DENND1A: variants seen among roughly 807,000 people sequenced by gnomAD.
DENND1A encodes DENN domain-containing protein 1A.
A neutral mutation model predicts 113.7 loss-of-function variants in DENND1A; 51 were observed. That is an observed-to-expected ratio of 0.45 (90% CI 0.36 to 0.57). DENND1A has a LOEUF of 0.57. DENND1A is among the 20% of genes least tolerant of loss of function. The pLI is 0.00. For missense variants in DENND1A, 1,258 were observed against 1,395.9 expected (o/e 0.90, Z 1.57); for synonymous variants, 565 against 570.8 (o/e 0.99, Z 0.14).
chr9:123,588,344 C>A (rs970647490), intron 11 of DENND1A, among the ~76,000 whole-genome samples: 1 of 148,522 alleles, frequency 6.7e-6, no homozygotes, highest in Non-Finnish European at 1.5e-5. Flanking sequence ...AAAGGCTGGG[C>A]ACGATGGCTC....
intron 13 of DENND1A, among the ~76,000 whole-genome samples, chr9:123,511,766 C>A (rs190643817): frequency 6.6e-6 from 1 of 152,352 alleles, no homozygotes; most frequent in Admixed American, 6.5e-5. Flanking sequence ...GCCAAGCCAA[C>A]AACAGCTACT....
intron 1 of DENND1A, among the ~76,000 whole-genome samples, chr9:123,917,263 A>T (rs1339383175): frequency 6.6e-6 from 1 of 152,136 alleles, no homozygotes; most frequent in Non-Finnish European, 1.5e-5. Flanking sequence ...AACCAATTCT[A>T]CTGACTTTAA....
At chr9:123,383,961 G>C in intron 22 of DENND1A, 48 bp from the exon 23 acceptor site, 1 of 1,576,272 alleles carries the variant, frequency 6.3e-7, no homozygotes, top group Non-Finnish European at 8.6e-7. Flanking sequence ...GCCTTCAGGG[G>C]AGGAGCAAGC....
chr9:123,676,752 T>C lies in DENND1A; in HGVS notation c.340A>G (p.Asn114Asp). Residue 114 changes from asparagine to aspartate, a missense_variant, in exon 6 of 24, where the codon AAC (asparagine) becomes GAC (aspartate). Asn to Asp is a conservative substitution (Grantham distance 23, BLOSUM62 1). Coordinates refer to ENST00000394215, the MANE Select transcript of DENND1A (RefSeq NM_001352964.2). ...TTTGTCGTGTAATCTGCCAGGATGT[T>C]AAGCAGCTTATAAAATACCTCGAAC... ...PWFEVFYKLL[N>D]ILADYTTKRQ... 1 of 1,614,108 alleles carries C rather than the reference T, an allele frequency of 6.2e-7. No individual in the cohort carries two copies. Among genetic ancestry groups the C allele is most frequent in the Non-Finnish European group, 8.5e-7 (1 of 1,179,994 alleles).
At position 123,764,036 on chromosome 9, in the gene DENND1A, A is replaced by T. The variant is rs980497556; in HGVS notation, c.182+5478T>A. 6.6e-6 allele frequency among the ~76,000 whole-genome samples: 1 copy of T among 152,202 alleles called. No individual in the cohort carries two copies. Among genetic ancestry groups the T allele is most frequent in the Non-Finnish European group, 1.5e-5 (1 of 68,038 alleles). ...CAGCAGAGGCAGAGATTTATGATGC[A>T]GGACAGAAGAGAAAACATTAAGGCC... On this transcript the variant is annotated intron_variant, in intron 4 of 23. Transcript: ENST00000394215. The surrounding 1 kb of genome is among the most constrained non-coding windows in gnomAD (Gnocchi z 4.1).
Position 123,606,970 on chromosome 9 carries a change from GT to G in DENND1A, c.765+2465del, listed in dbSNP as rs2060182092. ...TGCAGAGGGTTGGGAATGTGGATATGTTTAGGGATCAGCAGGAGCACAAGCT... is the reference window on the plus strand; with the variant it reads ...TGCAGAGGGTTGGGAATGTGGATATGTTAGGGATCAGCAGGAGCACAAGCT... On this transcript the variant is annotated intron_variant, in intron 11 of 23. Coordinates refer to ENST00000394215, the MANE Select transcript of DENND1A (RefSeq NM_001352964.2). Among the ~76,000 whole-genome samples the G allele has an allele frequency of 3.3e-5, 5 of 152,236 alleles. No homozygotes were observed. In the South Asian group the frequency reaches 1.0e-3, roughly 32 times the overall value.
intron 13 of DENND1A, among the ~76,000 whole-genome samples, chr9:123,552,021 G>GAGCGAGAGAGAGAGAC (rs2057094828): frequency 1.1e-5 from 1 of 93,490 alleles, no homozygotes; most frequent in Non-Finnish European, 2.1e-5. Context: ...GCGAGAGCGA[G>GAGCGAGAGAGAGAGAC]AGAGAGAGAG....
rs756691448 is a variant in DENND1A, at chr9:123,585,623, G to T, written c.766-2353C>A. 1.1e-3 allele frequency among the ~76,000 whole-genome samples: 168 copies of T among 152,166 alleles called. 1 individual carries two copies. Among genetic ancestry groups the T allele is most frequent in the Non-Finnish European group, 1.6e-3 (111 of 68,034 alleles). ...ATGCCCAGCAGTGTGCTAGCAGGAA[G>T]GTACAAAAACAGCATCAATGGCCCT... On this transcript the variant is annotated intron_variant, in intron 11 of 23. Coordinates refer to ENST00000394215, the MANE Select transcript of DENND1A (RefSeq NM_001352964.2).
chr9:123,685,244 G>A (rs1047903619), intron 5 of DENND1A, among the ~76,000 whole-genome samples: 1 of 152,130 alleles, frequency 6.6e-6, no homozygotes, highest in Non-Finnish European at 1.5e-5. Context: ...ACCTCAATAA[G>A]AGAAAAACAC....
chr9:123,712,660 C>T (rs1041243755), intron 5 of DENND1A, among the ~76,000 whole-genome samples: 2 of 152,196 alleles, frequency 1.3e-5, no homozygotes, highest in Non-Finnish European at 1.5e-5. Context: ...GGTTCCTCCT[C>T]CCTGCTTCTG....
intron 5 of DENND1A, among the ~76,000 whole-genome samples, chr9:123,735,388 TAAG>T (rs2068487668): frequency 6.6e-6 from 1 of 152,074 alleles, no homozygotes; most frequent in Admixed American, 6.5e-5. Context: ...AGATGTTAGG[TAAG>T]AAGATCATAA....
At chr9:123,457,158 A>G (rs2048187019) in intron 15 of DENND1A, among the ~76,000 whole-genome samples, 190 bp downstream of exon 15, 1 of 152,194 alleles carries the variant, frequency 6.6e-6, no homozygotes, top group African/African-American at 2.4e-5. Flanking sequence ...AGGCTGGGCG[A>G]CTTCATATGG....
chr9:123,495,962 T>A (rs1261275048), intron 13 of DENND1A, among the ~76,000 whole-genome samples: 1 of 152,224 alleles, frequency 6.6e-6, no homozygotes, highest in Non-Finnish European at 1.5e-5. Context: ...CACTCAAATG[T>A]CCTGAATGCA....
intron 5 of DENND1A, among the ~76,000 whole-genome samples, chr9:123,757,456 C>T (rs2131406775): frequency 6.6e-6 from 1 of 152,330 alleles, no homozygotes; most frequent in South Asian, 2.1e-4. Context: ...CTGGCTTCCA[C>T]AAACTACTCA....
chr9:123,395,787 T>C lies in DENND1A; in HGVS notation c.1631+7615A>G, dbSNP rs543207444. Among the ~76,000 whole-genome samples, 4 of 152,264 alleles carry C rather than the reference T, an allele frequency of 2.6e-5. No individual in the cohort carries two copies. In the South Asian group the frequency reaches 8.3e-4, roughly 32 times the overall value. ...CACCTGGCACACAGTAGGTGCTCTT[T>C]ACCTGTTTGTGGTTGTTACCGGACG... is the stretch of plus-strand genomic sequence containing the variant. On this transcript the variant is annotated intron_variant, in intron 21 of 23. Transcript: ENST00000394215.
intron 11 of DENND1A, among the ~76,000 whole-genome samples, chr9:123,602,247 T>C (rs944979000): frequency 2.0e-5 from 3 of 152,246 alleles, no homozygotes; most frequent in African/African-American, 4.8e-5. Flanking sequence ...CAATACCTAA[T>C]ACAATGTAAA....
At chr9:123,646,178 A>C (rs1378707023) in intron 9 of DENND1A, among the ~76,000 whole-genome samples, 1 of 152,194 alleles carries the variant, frequency 6.6e-6, no homozygotes, top group Non-Finnish European at 1.5e-5. Context: ...CTGTGTTCTG[A>C]GAGCTATGCA....
chr9:123,466,646 G>A (rs2133230066), intron 13 of DENND1A, among the ~76,000 whole-genome samples: 1 of 152,300 alleles, frequency 6.6e-6, no homozygotes, highest in Middle Eastern at 3.4e-3. Context: ...CCAGCTTACT[G>A]ATGAGAAAGG....
rs1470258416 is a variant in DENND1A at position 123,411,751 on chromosome 9, G to A, written c.1542+25C>T. The A allele has an allele frequency of 3.0e-6, 3 of 985,790 alleles. No individual in the cohort carries two copies. The African/African-American group carries it at 5.2e-5, about 17-fold the overall frequency. The allele number at this position is 985,790 out of a possible 1,614,324, so 61.1% of individuals were successfully genotyped here. A position where few individuals can be genotyped will look rare whatever the true frequency, so the allele number is the denominator to read the frequency against. On this transcript the variant is annotated intron_variant, in intron 20 of 23. Coordinates refer to ENST00000394215, the MANE Select transcript of DENND1A (RefSeq NM_001352964.2). Reference sequence around the variant, plus strand: ...AATGGCTCAGGCAGTGTTAGGTGGGGAGGGCAGAACCACCAGCTACTCACG... The same window carrying A: ...AATGGCTCAGGCAGTGTTAGGTGGGAAGGGCAGAACCACCAGCTACTCACG...
Sources: gnomAD v4.1 joint callset for allele counts (sites outside exome capture counted in the v4.1 genomes callset) on GRCh38, gnomAD v4.1.1 for gene constraint, Gnocchi (gnomAD v3.1) non-coding constraint, MANE v1.5 for transcripts, NCBI Gene and HGNC (gene_info 2026-07-23, HGNC 2026-07-21) for gene names.